Variants in DMD observed in about 807,000 individuals in gnomAD.
DMD encodes dystrophin, also known as mutant dystrophin.
Under a neutral mutation model 330.1 loss-of-function variants are expected in DMD, and 63 were observed. That is an observed-to-expected ratio of 0.19 (90% CI 0.16 to 0.24). The LOEUF (loss-of-function observed/expected upper bound fraction) is 0.24. Among genes scored for constraint, DMD ranks in the 10% least tolerant of loss-of-function variants. The probability of loss-of-function intolerance (pLI) is 1.00; values close to 1 mark genes in which losing one functional copy is unlikely to be tolerated. For missense variants in DMD, 3,344 were observed against 2,684.1 expected, an observed-to-expected ratio of 1.25 and a Z score of -5.43; for synonymous variants, 1,223 against 959.8, an observed-to-expected ratio of 1.27 and a Z score of -5.07.
chrX:32,539,146 GA>G (rs2048259621), intron 17 of DMD, among the ~76,000 whole-genome samples: 1 of 105,660 alleles, frequency 9.5e-6, no homozygotes, highest in Non-Finnish European at 1.9e-5. Flanking sequence ...TTGAGGATGT[GA>G]AGATGGTATG....
At position 32,195,054 on chromosome X, in the gene DMD, GA is replaced by G. The variant is rs777955246; in HGVS notation, c.6438+21861del. Among the ~76,000 whole-genome samples the G allele has an allele frequency of 4.9e-3, 546 of 111,300 alleles. 1 individual carries two copies. The highest frequency in any genetic ancestry group is 7.7e-3 in the Non-Finnish European group (410 of 53,090). On this transcript the variant is annotated intron_variant, in intron 44 of 78. Coordinates refer to ENST00000357033, the MANE Select transcript of DMD (RefSeq NM_004006.3). Reference sequence around the variant, plus strand: ...AGGTGACCTGGCCTAAGATGGGGGAGATGCAGAGGAAGAGAAGGCAAATTCA... The same window carrying G: ...AGGTGACCTGGCCTAAGATGGGGGAGTGCAGAGGAAGAGAAGGCAAATTCA...
intron 13 of DMD, among the ~76,000 whole-genome samples, chrX:32,586,602 C>T (rs1383815236): frequency 9.1e-6 from 1 of 109,835 alleles, no homozygotes; most frequent in Non-Finnish European, 1.9e-5. Context: ...GAATACATTA[C>T]TGTGTTACAT....
At chrX:32,547,766 A>G (rs777189266) in intron 16 of DMD, among the ~76,000 whole-genome samples, 2 of 111,278 alleles carry the variant, frequency 1.8e-5, no homozygotes, top group Admixed American at 9.6e-5. Context: ...CCTGATTATT[A>G]CAGAGCTCAC....
chrX:31,450,041 G>T (rs2065609147), intron 59 of DMD, among the ~76,000 whole-genome samples: 1 of 109,426 alleles, frequency 9.1e-6, no homozygotes. Flanking sequence ...ACTTAAGTAG[G>T]GACTAATGGC....
At chrX:32,171,060 A>G (rs891719836) in intron 44 of DMD, among the ~76,000 whole-genome samples, 1 of 112,209 alleles carries the variant, frequency 8.9e-6, no homozygotes, top group Non-Finnish European at 1.9e-5. Flanking sequence ...AACTAGTAAT[A>G]TTGGTAAACA....
At chrX:32,912,779 G>A (rs2087398523) in intron 2 of DMD, among the ~76,000 whole-genome samples, 1 of 111,424 alleles carries the variant, frequency 9.0e-6, no homozygotes, top group African/African-American at 3.3e-5. Flanking sequence ...CACGACCACC[G>A]TTATCTCTGG....
chrX:32,762,790 T>C (rs767309526), intron 7 of DMD, among the ~76,000 whole-genome samples: 2 of 110,996 alleles, frequency 1.8e-5, no homozygotes, highest in African/African-American at 6.5e-5. Context: ...CAGACATTTT[T>C]CTAAGTACAA....
chrX:33,052,120 T>C (rs2094464965), intron 1 of DMD, among the ~76,000 whole-genome samples: 1 of 111,911 alleles, frequency 8.9e-6, no homozygotes, highest in African/African-American at 3.3e-5. Flanking sequence ...AAATGATTTT[T>C]ACAGCATTTC....
rs563145491 is a variant in DMD, at chrX:32,558,385, G to A, written c.1992+7317C>T. 1.3e-4 allele frequency among the ~76,000 whole-genome samples: 14 copies of A among 111,866 alleles called. No homozygotes were observed. The South Asian group carries it at 5.2e-3, about 41-fold the overall frequency. ...TTAGGGATGGATATTATCAAGTATA[G>A]GCTTAGGAAAAAGACTTGTATTTGT... On this transcript the variant is annotated intron_variant, in intron 16 of 78. Transcript: ENST00000357033.
intron 62 of DMD, among the ~76,000 whole-genome samples, chrX:31,290,422 T>C (rs2053602320): frequency 9.0e-6 from 1 of 111,188 alleles, no homozygotes; most frequent in Non-Finnish European, 1.9e-5. Context: ...GTCACATAAA[T>C]ACAATTATGC....
intron 7 of DMD, among the ~76,000 whole-genome samples, chrX:32,721,275 C>T (rs1293837902): frequency 2.7e-5 from 3 of 110,540 alleles, no homozygotes; most frequent in Non-Finnish European, 3.8e-5. Flanking sequence ...TTTGAGGAAA[C>T]ACTCCCAGAC....
chrX:32,641,052 A>C (rs73467339), intron 11 of DMD, among the ~76,000 whole-genome samples: 10,055 of 110,562 alleles, frequency 0.091, 1,115 homozygotes, highest in African/African-American at 0.31. Context: ...GCTGTTCCTA[A>C]TCCGTGAACC....
At chrX:32,056,090 T>C (rs990157280) in intron 44 of DMD, among the ~76,000 whole-genome samples, 1 of 111,089 alleles carries the variant, frequency 9.0e-6, no homozygotes, top group African/African-American at 3.3e-5. Context: ...AATGATAAAC[T>C]TTCATTTGCT....
intron 2 of DMD, among the ~76,000 whole-genome samples, chrX:32,923,539 C>A (rs936055015): frequency 1.8e-5 from 2 of 109,096 alleles, no homozygotes; most frequent in Admixed American, 2.0e-4. Flanking sequence ...CCAGCCTGGG[C>A]AACAGAAGTG....
intron 44 of DMD, among the ~76,000 whole-genome samples, chrX:32,005,271 CA>C (rs1362356196): frequency 1.8e-5 from 2 of 111,419 alleles, no homozygotes. Flanking sequence ...AGCAATTTAC[CA>C]GCAAGAAATT....
chrX:33,028,644 G>A (rs927739119), intron 1 of DMD, among the ~76,000 whole-genome samples: 1 of 111,901 alleles, frequency 8.9e-6, no homozygotes, highest in African/African-American at 3.2e-5. Context: ...TTAAGATCTA[G>A]GTCGAATGTG....
At chrX:32,824,995 A>G (rs1176937688) in intron 4 of DMD, among the ~76,000 whole-genome samples, 3 of 111,739 alleles carry the variant, frequency 2.7e-5, no homozygotes, top group African/African-American at 9.7e-5. Flanking sequence ...GAATTTATCT[A>G]TTGATTCATT....
intron 44 of DMD, among the ~76,000 whole-genome samples, chrX:32,128,981 A>G (rs185227456): frequency 9.0e-6 from 1 of 111,393 alleles, no homozygotes; most frequent in African/African-American, 3.3e-5. Flanking sequence ...TCAGTCTGAC[A>G]ATTAATCATA....
At chrX:31,568,959 G>A (rs73453986) in intron 55 of DMD, among the ~76,000 whole-genome samples, 1 of 110,202 alleles carries the variant, frequency 9.1e-6, no homozygotes, top group Admixed American at 9.6e-5. Context: ...CAGGCATTAC[G>A]ATACGCATTA....
Sources: gnomAD v4.1 joint callset for allele counts (sites outside exome capture counted in the v4.1 genomes callset) on GRCh38, gnomAD v4.1.1 for gene constraint, MANE v1.5 for transcripts, NCBI Gene and HGNC (gene_info 2026-07-23, HGNC 2026-07-21) for gene names.